CYBRD1: variants seen among roughly 807,000 people sequenced by gnomAD.
CYBRD1 encodes plasma membrane ascorbate-dependent reductase CYBRD1.
In CYBRD1, 14 loss-of-function variants were observed where a neutral mutation model predicts 21.9. The observed-to-expected ratio is 0.64, with a 90% CI of 0.42 to 1.00. CYBRD1 has a LOEUF of 1.00. Ranked by LOEUF, CYBRD1 falls within the 50% of genes least tolerant of loss-of-function variation. CYBRD1 has a pLI of 0.00. For synonymous variants in CYBRD1, 146 were observed against 136.5 expected (o/e 1.07, Z -0.48); for missense variants, 328 against 352.5 (o/e 0.93, Z 0.56).
chr2:171,546,218 A>C (rs1268447268), intron 2 of CYBRD1, among the ~76,000 whole-genome samples: 2 of 152,202 alleles, frequency 1.3e-5, no homozygotes, highest in African/African-American at 2.4e-5. Context: ...GATTAGGTTC[A>C]TCCATTTGAT....
chr2:171,553,505 G>A lies in CYBRD1; in HGVS notation c.557+5G>A, dbSNP rs1279209599. The A allele has an allele frequency of 1.2e-6, 2 of 1,610,484 alleles. No individual in the cohort carries two copies. The highest frequency in any genetic ancestry group is 2.7e-5 in the African/African-American group (2 of 74,816). On this transcript the variant is annotated splice_donor_5th_base_variant and intron_variant, in intron 3 of 3. Transcript: ENST00000321348. Reference sequence around the variant, plus strand: ...AGAGAAACTGATTTTTTCCCTGTAAGTTGCATAGTCTTCTTAATTGTAATA... The same window carrying A: ...AGAGAAACTGATTTTTTCCCTGTAAATTGCATAGTCTTCTTAATTGTAATA...
At chr2:171,545,247 C>T (rs1342830090) in intron 2 of CYBRD1, among the ~76,000 whole-genome samples, 3 of 151,880 alleles carry the variant, frequency 2.0e-5, no homozygotes, top group African/African-American at 7.3e-5. Flanking sequence ...TAATATTTTA[C>T]CATTGAGTAC....
Position 171,554,849 on chromosome 2 carries a change from T to C in CYBRD1, c.*22T>C, listed in dbSNP as rs776062353. Reference sequence around the variant, plus strand: ...GTAAAATGTTGTAGAGATAGAGCCATATAACGTCACGTTTCAAAACTAGCT... The same window carrying C: ...GTAAAATGTTGTAGAGATAGAGCCACATAACGTCACGTTTCAAAACTAGCT... On this transcript the variant is annotated 3_prime_UTR_variant, in exon 4 of 4. Transcript: ENST00000321348. The C allele has an allele frequency of 5.6e-6, 9 of 1,611,372 alleles. No individual in the cohort carries two copies. In the Admixed American group the frequency reaches 1.2e-4, roughly 21 times the overall value.
intron 2 of CYBRD1, among the ~76,000 whole-genome samples, chr2:171,548,064 C>G (rs936725542): frequency 6.6e-6 from 1 of 151,796 alleles, no homozygotes; most frequent in Non-Finnish European, 1.5e-5. Context: ...TGTTACGTCC[C>G]TTATAAAAAA....
At chr2:171,530,703 G>A (rs900835208) in intron 1 of CYBRD1, among the ~76,000 whole-genome samples, 1 of 151,962 alleles carries the variant, frequency 6.6e-6, no homozygotes, top group African/African-American at 2.4e-5. Context: ...CAAACAAAAA[G>A]TAAACCAGCC....
intron 1 of CYBRD1, among the ~76,000 whole-genome samples, chr2:171,538,469 G>C (rs1402110658): frequency 1.3e-5 from 2 of 152,150 alleles, no homozygotes; most frequent in African/African-American, 4.8e-5. Flanking sequence ...CATTTGAAAA[G>C]ATTCCTTGAA....
intron 2 of CYBRD1, among the ~76,000 whole-genome samples, chr2:171,542,071 C>T (rs1697643880): frequency 6.6e-6 from 1 of 151,768 alleles, no homozygotes; most frequent in Non-Finnish European, 1.5e-5. Flanking sequence ...ACCATGTTGG[C>T]CAGGCTAGTC....
chr2:171,555,116 T>C lies in CYBRD1; in HGVS notation c.*289T>C, dbSNP rs1683459492. 2.4e-6 allele frequency: 1 copy of C among 410,170 alleles called. No individual in the cohort carries two copies. Among genetic ancestry groups the C allele is most frequent in the African/African-American group, 2.0e-5 (1 of 49,288 alleles). 25.4% of individuals were successfully genotyped at this position (410,170 alleles called of 1,614,324 possible). ...TGCCTTGTGCAGAATAGATACTCAA[T>C]ATGTGAATATGTGTCTACTAGTAGT... On this transcript the variant is annotated 3_prime_UTR_variant, in exon 4 of 4. Transcript: ENST00000321348.
intron 2 of CYBRD1, among the ~76,000 whole-genome samples, chr2:171,546,044 G>A (rs1166749599): frequency 3.3e-5 from 5 of 152,252 alleles, no homozygotes; most frequent in East Asian, 1.9e-4. Flanking sequence ...CATATCTCGC[G>A]TTGTTGTCTT....
At chr2:171,528,282 T>C (rs1185515673) in intron 1 of CYBRD1, among the ~76,000 whole-genome samples, 1 of 152,008 alleles carries the variant, frequency 6.6e-6, no homozygotes, top group African/African-American at 2.4e-5. Flanking sequence ...ATGGGGTTTC[T>C]CCACGTTGGT....
At chr2:171,540,949 G>A (rs1459292449) in intron 1 of CYBRD1, 1 of 153,660 alleles carries the variant, frequency 6.5e-6, no homozygotes, top group Non-Finnish European at 1.4e-5. Flanking sequence ...ATTTTTAGTA[G>A]AGATGGGGTT....
rs1182087555 is a variant in CYBRD1 at position 171,555,621 on chromosome 2, C to T, written c.*794C>T. On this transcript the variant is annotated 3_prime_UTR_variant, in exon 4 of 4. Transcript: ENST00000321348. Reference sequence around the variant, plus strand: ...ACACTGCCCTACAAACCTCAGAGAGCACTTTTCCCCAAGTTCTTGTTTTTA... The same window carrying T: ...ACACTGCCCTACAAACCTCAGAGAGTACTTTTCCCCAAGTTCTTGTTTTTA... The T allele has an allele frequency of 6.6e-6, 1 of 152,280 alleles. No homozygotes were observed. The highest frequency in any genetic ancestry group is 1.9e-4 in the East Asian group (1 of 5,196). 9.4% of individuals were successfully genotyped at this position (152,280 alleles called of 1,614,324 possible).
chr2:171,558,123 T>G lies in CYBRD1; in HGVS notation c.*3296T>G, dbSNP rs1384810708. ...TCTTTTATATAGTAATAAAAGTTAT[T>G]TTGGAAGCTCTTTGTGTGTTATCAA... On this transcript the variant is annotated 3_prime_UTR_variant, in exon 4 of 4. Transcript: ENST00000321348. 6.6e-6 allele frequency: 1 copy of G among 151,530 alleles called. No homozygotes were observed. Among genetic ancestry groups the G allele is most frequent in the African/African-American group, 2.4e-5 (1 of 41,284 alleles). 9.4% of individuals were successfully genotyped at this position (151,530 alleles called of 1,614,324 possible).
chr2:171,555,094 C>T lies in CYBRD1; in HGVS notation c.*267C>T. ...GAGGACCACAACATTAGCACGGTGC[C>T]TTGTGCAGAATAGATACTCAATATG... is the stretch of plus-strand genomic sequence containing the variant. On this transcript the variant is annotated 3_prime_UTR_variant, in exon 4 of 4. Coordinates refer to ENST00000321348, the MANE Select transcript of CYBRD1 (RefSeq NM_024843.4). 1 of 485,724 alleles carries T rather than the reference C, an allele frequency of 2.1e-6. No homozygotes were observed. Among genetic ancestry groups the T allele is most frequent in the Non-Finnish European group, 3.7e-6 (1 of 266,682 alleles). The allele number at this position is 485,724 out of a possible 1,614,324, so 30.1% of individuals were successfully genotyped here.
rs1349197682 is a variant in CYBRD1 at position 171,541,725 on chromosome 2, A to G, written c.334A>G (p.Asn112Asp). 2 of 1,613,918 alleles carry G rather than the reference A, an allele frequency of 1.2e-6. No individual in the cohort carries two copies. The highest frequency in any genetic ancestry group is 1.7e-6 in the Non-Finnish European group (2 of 1,180,024). ...VAVFENHNVN[N>D]IANMYSLHSW... ...CGTGTTTGAGAACCACAATGTTAAC[A>G]ATATAGCCAATATGTACAGTCTGCA... Residue 112 changes from asparagine (N) to aspartate (D), a missense_variant, in exon 2 of 4, where the codon AAT (asparagine) becomes GAT (aspartate). Asn to Asp is a conservative substitution (Grantham distance 23). Transcript: ENST00000321348.
chr2:171,525,759 A>G (rs1444183079), intron 1 of CYBRD1, among the ~76,000 whole-genome samples: 1 of 152,196 alleles, frequency 6.6e-6, no homozygotes, highest in Non-Finnish European at 1.5e-5. Flanking sequence ...ATAGTAAACA[A>G]TATTTGAAAC....
chr2:171,525,327 C>A (rs1408293643), intron 1 of CYBRD1, among the ~76,000 whole-genome samples: 2 of 152,154 alleles, frequency 1.3e-5, no homozygotes, highest in Admixed American at 1.3e-4. Context: ...CTGTTTGGAT[C>A]CTGGATGTGC....
chr2:171,523,329 A>T, intron 1 of CYBRD1: 1 of 365,440 alleles, frequency 2.7e-6, no homozygotes, highest in Non-Finnish European at 5.5e-6. Flanking sequence ...GGGCTGGCCA[A>T]GGGGGGCGAG....
Position 171,554,917 on chromosome 2 carries a change from AT to A in CYBRD1, c.*91del. ...CTATTAGCCATATGATAATTGGGCTATGTAGTATCAATATTTACTTTAATCA... is the reference window on the plus strand; with the variant it reads ...CTATTAGCCATATGATAATTGGGCTAGTAGTATCAATATTTACTTTAATCA... On this transcript the variant is annotated 3_prime_UTR_variant, in exon 4 of 4. Transcript: ENST00000321348. 2 of 1,325,954 alleles carry A rather than the reference AT, an allele frequency of 1.5e-6. No homozygotes were observed. Among genetic ancestry groups the A allele is most frequent in the Non-Finnish European group, 2.1e-6 (2 of 935,268 alleles). 82.1% of individuals were successfully genotyped at this position (1,325,954 alleles called of 1,614,324 possible).
Sources: allele counts gnomAD v4.1 joint callset (sites outside exome capture counted in the v4.1 genomes callset), GRCh38; gene constraint gnomAD v4.1.1; transcripts MANE v1.5; gene names NCBI Gene and HGNC (gene_info 2026-07-23, HGNC 2026-07-21).